Variants in SCLT1 observed in about 807,000 individuals in gnomAD.
The protein encoded by SCLT1 is sodium channel-associated protein 1.
In SCLT1, 78 loss-of-function variants were observed where a neutral mutation model predicts 112.8. That is an observed-to-expected ratio of 0.69 (90% CI 0.58 to 0.83). The LOEUF is 0.83. Among genes scored for constraint, SCLT1 ranks in the 40% least tolerant of loss-of-function variants. The pLI is 0.00. For missense variants in SCLT1, 747 were observed against 770.4 expected (o/e 0.97, Z 0.36); for synonymous variants, 257 against 254.7 (o/e 1.01, Z -0.09).
chr4:129,017,622 A>C (rs1490338200), intron 5 of SCLT1, among the ~76,000 whole-genome samples: 1 of 152,182 alleles, frequency 6.6e-6, no homozygotes, highest in East Asian at 1.9e-4. Flanking sequence ...TATTATATGC[A>C]AGATAGTAAG....
At chr4:128,931,163 T>TG (rs1390431753) in intron 18 of SCLT1, among the ~76,000 whole-genome samples, 2 of 150,666 alleles carry the variant, frequency 1.3e-5, no homozygotes, top group African/African-American at 4.9e-5. Flanking sequence ...AGAAGGTTTT[T>TG]GGGGGGTTGG....
At chr4:128,887,277 C>T (rs766351454) in intron 20 of SCLT1, among the ~76,000 whole-genome samples, 1 of 152,078 alleles carries the variant, frequency 6.6e-6, no homozygotes, top group Non-Finnish European at 1.5e-5. Flanking sequence ...TTAGTTAATT[C>T]ATAACTTCAT....
intron 9 of SCLT1, among the ~76,000 whole-genome samples, chr4:128,982,068 G>A (rs896552073): frequency 6.6e-6 from 1 of 152,170 alleles, no homozygotes; most frequent in Non-Finnish European, 1.5e-5. Flanking sequence ...GTAGAGTTGG[G>A]ACAGAAAAGA....
chr4:129,006,949 C>A (rs1225158604), intron 5 of SCLT1, among the ~76,000 whole-genome samples: 2 of 152,144 alleles, frequency 1.3e-5, no homozygotes, highest in Non-Finnish European at 2.9e-5. Flanking sequence ...ATGTTATTTT[C>A]TTTATTAATC....
chr4:128,922,285 A>T lies in SCLT1; in HGVS notation c.1829+14370T>A, dbSNP rs190263598. On this transcript the variant is annotated intron_variant, in intron 18 of 20. Coordinates refer to ENST00000281142, the MANE Select transcript of SCLT1 (RefSeq NM_144643.4). ...ACAGAAGTATACCATTCAACCCAGCATTCCCATTATTAGGTATATGCCCCA... is the reference window on the plus strand; with the variant it reads ...ACAGAAGTATACCATTCAACCCAGCTTTCCCATTATTAGGTATATGCCCCA... Among the ~76,000 whole-genome samples the T allele has an allele frequency of 3.3e-5, 5 of 152,320 alleles. No individual in the cohort carries two copies. In the East Asian group the frequency reaches 9.6e-4, roughly 29 times the overall value.
chr4:128,874,301 TAGAA>T (rs1732411365), intron 5 of SCLT1: 1 of 152,560 alleles, frequency 6.6e-6, no homozygotes, highest in Admixed American at 6.5e-5. Flanking sequence ...TGTCAAGCCA[TAGAA>T]AGAAAATCTA....
Position 128,948,539 on chromosome 4 carries a change from C to A in SCLT1, c.1250G>T (p.Arg417Leu), listed in dbSNP as rs141916321. The A allele has an allele frequency of 6.2e-7, 1 of 1,606,224 alleles. No homozygotes were observed. Among genetic ancestry groups the A allele is most frequent in the South Asian group, 1.1e-5 (1 of 90,712 alleles). Residue 417 changes from arginine to leucine, a missense_variant, in exon 15 of 21, where the codon CGA becomes CTA. Arg to Leu is a moderately radical substitution (Grantham distance 102, BLOSUM62 -2). Around this residue, in one of 2 missense-constraint regions of SCLT1, gnomAD observed 723 missense variants for 721.3 expected, o/e 1.00. Transcript: ENST00000281142. ...CACTGCTTTTTTTTCCTTAATGACTCGTTCAATTTGGCCTTGTTTTTCAGC... is the reference window on the plus strand; with the variant it reads ...CACTGCTTTTTTTTCCTTAATGACTAGTTCAATTTGGCCTTGTTTTTCAGC... Reference protein sequence around the residue: ...ECAEKQGQIERVIKEKKAVEE... With the variant: ...ECAEKQGQIELVIKEKKAVEE...
chr4:129,032,451 A>G (rs140654822), intron 5 of SCLT1, among the ~76,000 whole-genome samples: 2,308 of 152,252 alleles, frequency 0.015, 51 homozygotes, highest in African/African-American at 0.053. Flanking sequence ...TGACCAAAAC[A>G]CCAAAAGCAA....
intron 18 of SCLT1, among the ~76,000 whole-genome samples, chr4:128,899,041 CA>C (rs1734038291): frequency 1.3e-5 from 2 of 152,148 alleles, no homozygotes; most frequent in South Asian, 4.1e-4. Flanking sequence ...CATAGTTTAC[CA>C]ACCAAAAAAA....
At chr4:128,986,922 C>T (rs1227609482) in intron 9 of SCLT1, among the ~76,000 whole-genome samples, 1 of 152,100 alleles carries the variant, frequency 6.6e-6, no homozygotes, top group Non-Finnish European at 1.5e-5. Context: ...CGTCACCTCT[C>T]CCCAACTCCA....
At chr4:129,001,029 G>A (rs35128288) in intron 6 of SCLT1, among the ~76,000 whole-genome samples, 4,719 of 151,978 alleles carry the variant, frequency 0.031, 93 homozygotes, top group South Asian at 0.052. Flanking sequence ...AGAATATGGA[G>A]CCAGAAGATA....
At chr4:129,030,997 C>T (rs1746669158) in intron 5 of SCLT1, among the ~76,000 whole-genome samples, 1 of 151,848 alleles carries the variant, frequency 6.6e-6, no homozygotes. Context: ...GTCCTGATAC[C>T]AAAACCAGAC....
intron 9 of SCLT1, among the ~76,000 whole-genome samples, chr4:128,981,946 C>G (rs1342835602): frequency 6.6e-6 from 1 of 152,022 alleles, no homozygotes; most frequent in Non-Finnish European, 1.5e-5. Flanking sequence ...AGAAAGATCA[C>G]TTTGATAACA....
At chr4:129,090,323 A>G (rs538051790) in intron 1 of SCLT1, among the ~76,000 whole-genome samples, 1 of 152,346 alleles carries the variant, frequency 6.6e-6, no homozygotes, top group South Asian at 2.1e-4. Context: ...TCATTAATAG[A>G]TCCATACATA....
rs946289973 is a variant in SCLT1, at chr4:129,039,165, C to G, written c.235-69G>C. 3 of 917,892 alleles carry G rather than the reference C, an allele frequency of 3.3e-6. No homozygotes were observed. The African/African-American group carries it at 4.9e-5, about 15-fold the overall frequency. 56.9% of individuals were successfully genotyped at this position (917,892 alleles called of 1,614,324 possible). Reference sequence around the variant, plus strand: ...TCAGATCTCCATTAAGTAGACCACTCACGTAAGCAATCAGATTCTGACACT... The same window carrying G: ...TCAGATCTCCATTAAGTAGACCACTGACGTAAGCAATCAGATTCTGACACT... On this transcript the variant is annotated intron_variant, in intron 4 of 20. Transcript: ENST00000281142.
intron 5 of SCLT1, among the ~76,000 whole-genome samples, chr4:129,022,977 C>T (rs1745629442): frequency 6.6e-6 from 1 of 152,180 alleles, no homozygotes; most frequent in Non-Finnish European, 1.5e-5. Flanking sequence ...CCAGAACAGA[C>T]TGGGGGCCAA....
chr4:129,014,211 TG>T (rs36116859), intron 5 of SCLT1, among the ~76,000 whole-genome samples: 13,530 of 152,246 alleles, frequency 0.089, 765 homozygotes, highest in South Asian at 0.15. Flanking sequence ...GCTCCTGCAT[TG>T]TTTTATCATC....
chr4:129,026,400 T>C (rs1423595381), intron 5 of SCLT1, among the ~76,000 whole-genome samples: 1 of 151,836 alleles, frequency 6.6e-6, no homozygotes. Flanking sequence ...AGAAACTCAC[T>C]CAAAACCACT....
chr4:129,027,940 A>G (rs1746281610), intron 5 of SCLT1, among the ~76,000 whole-genome samples: 1 of 152,158 alleles, frequency 6.6e-6, no homozygotes, highest in Admixed American at 6.5e-5. Flanking sequence ...CTTCAAAGAG[A>G]ATAAAATACC....
Sources: gnomAD v4.1 joint callset for allele counts (sites outside exome capture counted in the v4.1 genomes callset) on GRCh38, gnomAD v4.1.1 for gene constraint, gnomAD v4.1.1 regional missense constraint, MANE v1.5 for transcripts, NCBI Gene and HGNC (gene_info 2026-07-23, HGNC 2026-07-21) for gene names.